Variants in NRN1 observed in about 807,000 individuals in gnomAD.
NRN1 encodes neuritin.
A neutral mutation model predicts 15.0 loss-of-function variants in NRN1; 4 were observed. That is an observed-to-expected ratio of 0.27 (90% CI 0.13 to 0.61). NRN1 has a LOEUF of 0.61. NRN1 is among the 20% of genes least tolerant of loss of function. NRN1 has a pLI of 0.87. For synonymous variants in NRN1, 85 were observed against 79.8 expected, an observed-to-expected ratio of 1.07 and a Z score of -0.35; for missense variants, 134 against 181.9, an observed-to-expected ratio of 0.74 and a Z score of 1.51.
At position 6,002,463 on chromosome 6, in the gene NRN1, C is replaced by T. The variant is rs553354101; in HGVS notation, c.90G>A (p.Lys30=). The T allele has an allele frequency of 3.1e-6, 5 of 1,614,168 alleles. No homozygotes were observed. The highest frequency in any genetic ancestry group is 4.5e-5 in the East Asian group (2 of 44,884). Residue 30 remains lysine, a synonymous_variant, in exon 2 of 3, where the codon AAG becomes AAA. Coordinates refer to ENST00000244766, the MANE Select transcript of NRN1 (RefSeq NM_016588.3). ...YLVQAVRAAG[K]CDAVFKGFSD... Reference sequence around the variant, plus strand: ...AAAAGCCCTTGAAGACCGCATCGCACTTGCCCGCTGCTCTCACGGCCTGCA... The same window carrying T: ...AAAAGCCCTTGAAGACCGCATCGCATTTGCCCGCTGCTCTCACGGCCTGCA...
intron 2 of NRN1, 109 bp downstream of exon 2, chr6:6,002,244 C>A: frequency 7.2e-7 from 1 of 1,393,142 alleles, no homozygotes; most frequent in Non-Finnish European, 1.0e-6. Context: ...TGAGCCGATG[C>A]GGATTCGCGC....
intron 2 of NRN1, among the ~76,000 whole-genome samples, chr6:6,000,481 C>T (rs986051870): frequency 6.6e-6 from 1 of 152,178 alleles, no homozygotes; most frequent in African/African-American, 2.4e-5. Flanking sequence ...GTCACAGGCA[C>T]CTGCCTTCTA....
intron 1 of NRN1, among the ~76,000 whole-genome samples, chr6:6,006,371 A>G (rs1176466985): frequency 6.6e-6 from 1 of 152,194 alleles, no homozygotes; most frequent in Non-Finnish European, 1.5e-5. Context: ...GGGCCAGTAC[A>G]TTGCCCCAGA....
chr6:5,999,275 C>T (rs1296165302), intron 2 of NRN1, 71 bp from the exon 3 acceptor site: 9 of 1,336,232 alleles, frequency 6.7e-6, no homozygotes, highest in Non-Finnish European at 9.5e-6. Flanking sequence ...GGGCTTGCGC[C>T]CCTGCGCCTC....
intron 1 of NRN1, among the ~76,000 whole-genome samples, chr6:6,006,279 A>T (rs557849103): frequency 2.6e-5 from 4 of 152,242 alleles, no homozygotes; most frequent in Admixed American, 2.6e-4. Context: ...CAGCACATAA[A>T]CTTTCCAGTC....
chr6:6,000,417 C>T (rs1297780515), intron 2 of NRN1, among the ~76,000 whole-genome samples: 2 of 152,170 alleles, frequency 1.3e-5, no homozygotes, highest in Non-Finnish European at 2.9e-5. Context: ...GGTCGGTCTG[C>T]GCCTCTCTGT....
rs1445206136 is a variant in NRN1, at chr6:6,002,437, G to A, written c.116C>T (p.Ser39Leu). 6.2e-7 allele frequency: 1 copy of A among 1,614,122 alleles called. No individual in the cohort carries two copies. The highest frequency in any genetic ancestry group is 8.5e-7 in the Non-Finnish European group (1 of 1,180,036). ...GKCDAVFKGFSDCLLKLGDSM... is the reference protein window; with the variant it reads ...GKCDAVFKGFLDCLLKLGDSM... The stretch of plus-strand genomic sequence containing the variant: ...GTCGCCCAGCTTGAGCAAACAGTCC[G>A]AAAAGCCCTTGAAGACCGCATCGCA... The change falls in exon 2 of 3, where the codon TCG becomes TTG. Residue 39 changes from serine (S) to leucine (L), a missense_variant. Ser to Leu is a moderately radical substitution (Grantham distance 145, BLOSUM62 -2). Coordinates refer to ENST00000244766, the MANE Select transcript of NRN1 (RefSeq NM_016588.3).
chr6:6,006,919 GAA>G lies in NRN1; in HGVS notation c.-172_-171del, dbSNP rs1307240409. On this transcript the variant is annotated 5_prime_UTR_variant, in exon 1 of 3. Transcript: ENST00000244766. ...AAAGAGAGGGAGCGAGGAAGAGACA[GAA>G]AGAGAGAGAGAGAGAGAAAGAGAGA... The G allele has an allele frequency of 9.3e-6, 3 of 321,492 alleles. No homozygotes were observed. The highest frequency in any genetic ancestry group is 1.8e-5 in the Non-Finnish European group (3 of 166,978). The allele number at this position is 321,492 out of a possible 1,614,324, so 19.9% of individuals were successfully genotyped here. A position where few individuals can be genotyped will look rare whatever the true frequency, so the allele number is the denominator to read the frequency against.
chr6:6,006,141 C>T (rs1448160338), intron 1 of NRN1, among the ~76,000 whole-genome samples: 1 of 152,260 alleles, frequency 6.6e-6, no homozygotes, highest in South Asian at 2.1e-4. Flanking sequence ...CTATCACTCT[C>T]GATTTGCCCA....
rs778364482 is a variant in NRN1, at chr6:6,006,686, G to A, written c.55+9C>T. ...CTCCAGCCTCCAGCCGGGCTGAGCG[G>A]CCACTTACCTATTTGCACCGCGAGG... On this transcript the variant is annotated intron_variant, in intron 1 of 2. Coordinates refer to ENST00000244766, the MANE Select transcript of NRN1 (RefSeq NM_016588.3). 7 of 1,613,612 alleles carry A rather than the reference G, an allele frequency of 4.3e-6. No homozygotes were observed.
chr6:6,003,791 A>G (rs1758032595), intron 1 of NRN1: 2 of 1,234,078 alleles, frequency 1.6e-6, no homozygotes, highest in Non-Finnish European at 2.0e-6. Flanking sequence ...GGCCCAAAGC[A>G]GCCCGGGCGC....
At chr6:6,002,685 C>G in intron 1 of NRN1, 188 bp from the exon 2 acceptor site, 1 of 725,634 alleles carries the variant, frequency 1.4e-6, no homozygotes, top group East Asian at 2.8e-5. Flanking sequence ...CGACCTGCAG[C>G]TAACGCTGCG....
intron 2 of NRN1, among the ~76,000 whole-genome samples, chr6:5,999,575 G>C (rs1219012188): frequency 6.6e-6 from 1 of 152,246 alleles, no homozygotes; most frequent in Non-Finnish European, 1.5e-5. Context: ...GGAAAACAGT[G>C]CTAAGCCTCG....
chr6:6,002,397 G>A lies in NRN1; in HGVS notation c.156C>T (p.Tyr52=), dbSNP rs1303658422. Residue 52 remains tyrosine, a synonymous_variant, in exon 2 of 3, where the codon TAC becomes TAT. Coordinates refer to ENST00000244766, the MANE Select transcript of NRN1 (RefSeq NM_016588.3). ...TCGTCTTGTCGTCCAGGCCCTGCGG[G>A]TAGTTGGCCATGCTGTCGCCCAGCT... The part of the protein sequence containing the change: ...LLKLGDSMAN[Y]PQGLDDKTNI... The A allele has an allele frequency of 1.2e-6, 2 of 1,614,110 alleles. No individual in the cohort carries two copies. The highest frequency in any genetic ancestry group is 2.2e-5 in the East Asian group (1 of 44,900).
At chr6:6,003,105 T>TAG in intron 1 of NRN1, 1 of 897,768 alleles carries the variant, frequency 1.1e-6, no homozygotes, top group Non-Finnish European at 1.5e-6. Context: ...TGAACGAATA[T>TAG]AGTCCCTGGA....
chr6:6,006,622 C>A, intron 1 of NRN1, 73 bp downstream of exon 1: 4 of 1,462,404 alleles, frequency 2.7e-6, no homozygotes, highest in Non-Finnish European at 3.8e-6. Flanking sequence ...ACCCGCTAGT[C>A]CCCCTCCGCG....
At chr6:6,002,830 C>A in intron 1 of NRN1, 1 of 410,472 alleles carries the variant, frequency 2.4e-6, no homozygotes, top group African/African-American at 2.0e-5. Context: ...TCTCACCTCC[C>A]TCATCCCTTT....
chr6:6,005,140 C>T (rs2151034450), intron 1 of NRN1, among the ~76,000 whole-genome samples: 1 of 152,134 alleles, frequency 6.6e-6, no homozygotes, highest in East Asian at 1.9e-4. Context: ...TTTTTCCCTC[C>T]AAACCTCTCA....
rs1048556742 is a variant in NRN1 at position 5,998,807 on chromosome 6, G to T, written c.*169C>A. The T allele has an allele frequency of 1.2e-4, 72 of 622,286 alleles. 1 individual carries two copies. The highest frequency in any genetic ancestry group is 8.6e-4 in the Middle Eastern group (2 of 2,338). The allele number at this position is 622,286 out of a possible 1,614,324, so 38.5% of individuals were successfully genotyped here. On this transcript the variant is annotated 3_prime_UTR_variant, in exon 3 of 3. Transcript: ENST00000244766. The stretch of plus-strand genomic sequence containing the variant: ...GTAACATTTGGCAAATAAAACACAA[G>T]AAATCAAACGAAATAAAAAAGAGAA...
Sources: gnomAD v4.1 joint callset for allele counts (sites outside exome capture counted in the v4.1 genomes callset) on GRCh38, gnomAD v4.1.1 for gene constraint, MANE v1.5 for transcripts, NCBI Gene and HGNC (gene_info 2026-07-23, HGNC 2026-07-21) for gene names.